Variants in GRIK3 observed in about 807,000 individuals in gnomAD.
GRIK3 encodes the protein glutamate ionotropic receptor kainate type subunit 3, also known as glutamate receptor ionotropic, kainate 3.
In GRIK3, 29 loss-of-function variants were observed where a neutral mutation model predicts 102.5. The ratio of observed to expected loss-of-function variants is 0.28; its 90% CI spans 0.21 to 0.39. The LOEUF (loss-of-function observed/expected upper bound fraction) is 0.39, where lower values mean the gene tolerates loss of function less well. GRIK3 is among the 10% of genes least tolerant of loss of function. The probability of loss-of-function intolerance (pLI) is 1.00; values close to 1 mark genes in which losing one functional copy is unlikely to be tolerated. For missense variants in GRIK3, 908 were observed against 1,252.4 expected (o/e 0.73, Z 4.15); for synonymous variants, 511 against 504.9 (o/e 1.01, Z -0.16).
In GRIK3 at chr1:36,798,766, G is replaced by T. The variant is rs749691076; in HGVS notation, c.*3085C>A. The T allele has an allele frequency of 6.6e-5, 10 of 152,258 alleles. No individual in the cohort carries two copies. The highest frequency in any genetic ancestry group is 1.5e-4 in the Non-Finnish European group (10 of 68,052). 9.4% of individuals were successfully genotyped at this position (152,258 alleles called of 1,614,324 possible). ...ACCGACAACACCTGAACATCAGGAC[G>T]CAAGGTTTGCCTGGGAGAGGAGATG... On this transcript the variant is annotated 3_prime_UTR_variant, in exon 16 of 16. Transcript: ENST00000373091.
intron 1 of GRIK3, among the ~76,000 whole-genome samples, chr1:36,899,146 C>A (rs1048057893): frequency 6.6e-6 from 1 of 151,940 alleles, no homozygotes; most frequent in Non-Finnish European, 1.5e-5. Flanking sequence ...GATATGACAC[C>A]AAAGGCACAG....
intron 1 of GRIK3, among the ~76,000 whole-genome samples, chr1:36,912,286 C>A (rs1180727524): frequency 6.6e-6 from 1 of 152,150 alleles, no homozygotes; most frequent in African/African-American, 2.4e-5. Context: ...GGCAAAGGCG[C>A]GGATTTGGCC....
chr1:36,897,676 C>T (rs1280920073), intron 1 of GRIK3, among the ~76,000 whole-genome samples: 1 of 152,124 alleles, frequency 6.6e-6, no homozygotes, highest in Non-Finnish European at 1.5e-5. Flanking sequence ...AAAGGGAACC[C>T]TCATACCATG....
chr1:36,948,530 C>A (rs1236796680), intron 1 of GRIK3, among the ~76,000 whole-genome samples: 2 of 152,182 alleles, frequency 1.3e-5, no homozygotes, highest in Non-Finnish European at 2.9e-5. Context: ...AAAGAGGCAA[C>A]CCCTGCCTCC....
intron 1 of GRIK3, among the ~76,000 whole-genome samples, chr1:36,920,009 T>G (rs1390265438): frequency 1.3e-5 from 2 of 152,320 alleles, no homozygotes; most frequent in Admixed American, 1.3e-4. Flanking sequence ...AAAAGCAAAG[T>G]GTGTGTCCCA....
At chr1:36,874,586 C>T (rs1237658247) in intron 3 of GRIK3, among the ~76,000 whole-genome samples, 1 of 152,234 alleles carries the variant, frequency 6.6e-6, no homozygotes, top group African/African-American at 2.4e-5. Flanking sequence ...GGCTATCCCC[C>T]TCCCAATGTA....
intron 1 of GRIK3, among the ~76,000 whole-genome samples, chr1:37,001,633 CT>C (rs1642477830): frequency 6.6e-6 from 1 of 152,296 alleles, no homozygotes; most frequent in Non-Finnish European, 1.5e-5. Flanking sequence ...GTGGATCCTC[CT>C]CCTTGCCAAA....
chr1:36,839,007 A>G (rs1160805347), intron 10 of GRIK3, among the ~76,000 whole-genome samples: 1 of 152,096 alleles, frequency 6.6e-6, no homozygotes, highest in Non-Finnish European at 1.5e-5. Context: ...TCCTTTTCCC[A>G]GCTGAGGGTC....
intron 1 of GRIK3, among the ~76,000 whole-genome samples, chr1:36,928,041 G>C (rs2124310784): frequency 6.6e-6 from 1 of 152,338 alleles, no homozygotes; most frequent in South Asian, 2.1e-4. Context: ...CCTGCTCAAA[G>C]AGAGTGGGCT....
At chr1:36,939,520 A>G (rs1641697314) in intron 1 of GRIK3, among the ~76,000 whole-genome samples, 1 of 152,218 alleles carries the variant, frequency 6.6e-6, no homozygotes, top group African/African-American at 2.4e-5. Flanking sequence ...AAGAAGAGCA[A>G]ATGAGATGGC....
At chr1:36,836,470 C>T (rs556491554) in intron 10 of GRIK3, among the ~76,000 whole-genome samples, 86 of 152,342 alleles carry the variant, frequency 5.6e-4, no homozygotes, top group Admixed American at 1.8e-3. Context: ...AAGTGCTCCC[C>T]GTCGGTAAGA....
chr1:36,849,628 G>T (rs967754752), intron 9 of GRIK3: 1 of 152,434 alleles, frequency 6.6e-6, no homozygotes, highest in African/African-American at 2.4e-5. Context: ...CTTCCAGGAG[G>T]GACAGGCACA....
At chr1:36,954,079 CAA>C (rs1161494022) in intron 1 of GRIK3, among the ~76,000 whole-genome samples, 2 of 152,166 alleles carry the variant, frequency 1.3e-5, no homozygotes, top group Non-Finnish European at 2.9e-5. Flanking sequence ...TGCAAGGGGT[CAA>C]GGGGGACGAA....
At chr1:36,854,108 C>T (rs1640619738) in intron 7 of GRIK3, among the ~76,000 whole-genome samples, 1 of 152,180 alleles carries the variant, frequency 6.6e-6, no homozygotes, top group Admixed American at 6.5e-5. Context: ...GCCAAGCTGG[C>T]CTTGGCTGTA....
intron 1 of GRIK3, among the ~76,000 whole-genome samples, chr1:37,014,223 G>C (rs1056543223): frequency 4.6e-5 from 7 of 152,238 alleles, no homozygotes; most frequent in Non-Finnish European, 2.9e-5. Flanking sequence ...AAGTAGAGTA[G>C]ATGAGGTCCC....
intron 1 of GRIK3, among the ~76,000 whole-genome samples, chr1:36,980,455 T>C (rs1280471976): frequency 6.6e-6 from 1 of 151,480 alleles, no homozygotes; most frequent in Non-Finnish European, 1.5e-5. Context: ...CCCTCCTCCT[T>C]TTGTGGTGCC....
rs766982463 is a variant in GRIK3 at position 36,880,929 on chromosome 1, G to A, written c.293-38C>T. 11 of 1,560,240 alleles carry A rather than the reference G, an allele frequency of 7.1e-6. No homozygotes were observed. In the South Asian group the frequency reaches 1.3e-4, roughly 18 times the overall value. On this transcript the variant is annotated intron_variant, in intron 2 of 15. Coordinates refer to ENST00000373091, the MANE Select transcript of GRIK3 (RefSeq NM_000831.4). The surrounding 1 kb of genome is among the most constrained non-coding windows in gnomAD (Gnocchi z 5.4). ...GTAGGGCAGCACAGGGGTCAGCACT[G>A]GGGCTGTGGGTATGGGGACAGTGAT...
intron 1 of GRIK3, among the ~76,000 whole-genome samples, chr1:36,924,924 C>T (rs1641511769): frequency 6.6e-6 from 1 of 151,838 alleles, no homozygotes; most frequent in African/African-American, 2.4e-5. Flanking sequence ...ACACGAAAAC[C>T]CACACTCTCA....
chr1:36,862,142 G>A (rs1321767850), intron 5 of GRIK3, among the ~76,000 whole-genome samples: 1 of 152,192 alleles, frequency 6.6e-6, no homozygotes, highest in Non-Finnish European at 1.5e-5. Context: ...TCAATGGTGT[G>A]CTGCCACTGG....
Sources: allele counts gnomAD v4.1 joint callset (sites outside exome capture counted in the v4.1 genomes callset), GRCh38; gene constraint gnomAD v4.1.1; non-coding constraint Gnocchi (gnomAD v3.1); transcripts MANE v1.5; gene names NCBI Gene and HGNC (gene_info 2026-07-23, HGNC 2026-07-21).